JMJD1C: variants seen among roughly 807,000 people sequenced by gnomAD.
The protein encoded by JMJD1C is jumonji domain containing 1C.
In JMJD1C, 31 loss-of-function variants were observed where a neutral mutation model predicts 245.3. The ratio of observed to expected loss-of-function variants is 0.13; its 90% CI spans 0.09 to 0.17. The LOEUF (loss-of-function observed/expected upper bound fraction) is 0.17, where lower values mean the gene tolerates loss of function less well. JMJD1C is among the 10% of genes least tolerant of loss of function. JMJD1C has a pLI of 1.00. For missense variants in JMJD1C, 2,691 were observed against 3,000.2 expected, an observed-to-expected ratio of 0.90 and a Z score of 2.41; for synonymous variants, 1,057 against 1,017.4, an observed-to-expected ratio of 1.04 and a Z score of -0.74.
At chr10:63,499,828 G>A (rs533811077) in intron 1 of JMJD1C, among the ~76,000 whole-genome samples, 30 of 152,204 alleles carry the variant, frequency 2.0e-4, no homozygotes, top group South Asian at 8.3e-4. Context: ...CAAAGAAGAC[G>A]TTAAAATATT....
In JMJD1C at chr10:63,519,260, C is replaced by T. The variant is rs1955126827; in HGVS notation, n.113+2478G>A. Among the ~76,000 whole-genome samples, 6 of 152,332 alleles carry T rather than the reference C, an allele frequency of 3.9e-5. No homozygotes were observed. The South Asian group carries it at 1.2e-3, about 32-fold the overall frequency. On this transcript the variant is annotated intron_variant and non_coding_transcript_variant, in intron 1 of 3. Transcript: ENST00000633035. The stretch of plus-strand genomic sequence containing the variant: ...TTCAGAGAGCAGCCAGCCATCCTAC[C>T]TAGGTTGCCTTCAGCAACCCCTGAA...
rs974943964 is a variant in JMJD1C, at chr10:63,516,033, A to AT, written n.113+5704dup. 2.0e-5 allele frequency among the ~76,000 whole-genome samples: 3 copies of AT among 152,036 alleles called. No homozygotes were observed. The East Asian group carries it at 5.8e-4, about 29-fold the overall frequency. ...TATCAAGAATATAATACCTTTATCT[A>AT]TTTTTTTGTACTTTTATGGTACTTT... On this transcript the variant is annotated intron_variant and non_coding_transcript_variant, in intron 1 of 3. Transcript: ENST00000633035.
At position 63,257,001 on chromosome 10, in the gene JMJD1C, G is replaced by A. The variant is rs374984432; in HGVS notation, c.447+7650C>T. On this transcript the variant is annotated intron_variant, in intron 3 of 25. Transcript: ENST00000399262. ...TGTAATCCGAACACGTTGGGAGGCC[G>A]AGGTGGGAGGATTACTTGAGGTTAG... Among the ~76,000 whole-genome samples the A allele has an allele frequency of 4.1e-4, 62 of 152,190 alleles. No homozygotes were observed. The South Asian group carries it at 0.012, about 29-fold the overall frequency.
At chr10:63,419,661 TCCTGGGAGCAAAAGTAA>T (rs1034128261) in intron 1 of JMJD1C, among the ~76,000 whole-genome samples, 8 of 151,928 alleles carry the variant, frequency 5.3e-5, no homozygotes, top group African/African-American at 1.7e-4. Context: ...AAAGGCTATA[TCCTGGGAGCAAAAGTAA>T]CCCAGAATTA....
intron 1 of JMJD1C, among the ~76,000 whole-genome samples, chr10:63,440,861 C>T (rs1369702180): frequency 6.6e-6 from 1 of 152,128 alleles, no homozygotes; most frequent in Admixed American, 6.6e-5. Flanking sequence ...ATTCATATAA[C>T]AACCCTTTTA....
At position 63,283,333 on chromosome 10, in the gene JMJD1C, CT is replaced by C. The variant is rs1193936978; in HGVS notation, c.334-18570del. Among the ~76,000 whole-genome samples the C allele has an allele frequency of 2.0e-5, 3 of 150,636 alleles. No individual in the cohort carries two copies. In the East Asian group the frequency reaches 5.8e-4, roughly 29 times the overall value. ...TTTCTTTGGGGATCTGAAAGCTTCC[CT>C]GTATTAGCAACCTGACCACCTGCTT... On this transcript the variant is annotated intron_variant, in intron 2 of 25. Transcript: ENST00000399262.
At chr10:63,435,774 C>T (rs916565097) in intron 1 of JMJD1C, among the ~76,000 whole-genome samples, 1 of 152,174 alleles carries the variant, frequency 6.6e-6, no homozygotes, top group Non-Finnish European at 1.5e-5. Flanking sequence ...TGGCATGCGC[C>T]TATAATCCCA....
chr10:63,222,852 C>G lies in JMJD1C; in HGVS notation c.448-2869G>C. On this transcript the variant is annotated intron_variant, in intron 3 of 25. Transcript: ENST00000399262. The stretch of plus-strand genomic sequence containing the variant: ...TGGTGTGGAGTCAAAAGTACACATG[C>G]TGGATCAAAATATATAAAAACTGCA... The G allele has an allele frequency of 7.6e-6, 11 of 1,444,586 alleles. No homozygotes were observed. In the South Asian group the frequency reaches 1.1e-4, roughly 15 times the overall value. 89.5% of individuals were successfully genotyped at this position (1,444,586 alleles called of 1,614,324 possible). A position where few individuals can be genotyped will look rare whatever the true frequency, so the allele number is the denominator to read the frequency against.
chr10:63,350,516 T>C (rs1944261607), intron 2 of JMJD1C, among the ~76,000 whole-genome samples: 1 of 152,220 alleles, frequency 6.6e-6, no homozygotes, highest in Admixed American at 6.5e-5. Flanking sequence ...ACTATGAAGT[T>C]GGTATTATTG....
chr10:63,427,822 A>C lies in JMJD1C; in HGVS notation c.168+37673T>G, dbSNP rs889592052. 5.5e-6 allele frequency: 6 copies of C among 1,098,170 alleles called. No individual in the cohort carries two copies. The African/African-American group carries it at 9.3e-5, about 17-fold the overall frequency. The allele number at this position is 1,098,170 out of a possible 1,614,324, so 68.0% of individuals were successfully genotyped here. A position where few individuals can be genotyped will look rare whatever the true frequency, so the allele number is the denominator to read the frequency against. On this transcript the variant is annotated intron_variant, in intron 1 of 25. Transcript: ENST00000399262. ...AAAGATGAAATGCAAGGCCCCTTCTAAAACACTTGTTGAGACAGCCAAGGA... is the reference window on the plus strand; with the variant it reads ...AAAGATGAAATGCAAGGCCCCTTCTCAAACACTTGTTGAGACAGCCAAGGA...
At chr10:63,327,683 T>C (rs1941680729) in intron 2 of JMJD1C, among the ~76,000 whole-genome samples, 1 of 152,016 alleles carries the variant, frequency 6.6e-6, no homozygotes, top group African/African-American at 2.4e-5. Flanking sequence ...TTTTTTTTTT[T>C]TTGAGATGGA....
chr10:63,465,106 C>T, intron 1 of JMJD1C: 1 of 244,040 alleles, frequency 4.1e-6, no homozygotes, highest in Non-Finnish European at 7.9e-6. Context: ...ACCAGGGAAG[C>T]TGGCCGCCTG....
At chr10:63,309,358 G>C (rs1012226644) in intron 2 of JMJD1C, among the ~76,000 whole-genome samples, 1 of 151,460 alleles carries the variant, frequency 6.6e-6, no homozygotes, top group African/African-American at 2.4e-5. Flanking sequence ...ACCAGGCGTG[G>C]TGGCAGGCGC....
intron 1 of JMJD1C, among the ~76,000 whole-genome samples, chr10:63,433,181 T>C (rs7917169): frequency 0.66 from 100,662 of 151,654 alleles, 36,179 homozygotes; most frequent in Non-Finnish European, 0.81. Flanking sequence ...AACCTCTGCC[T>C]CCCGACCCCA....
chr10:63,176,189 C>T, intron 24 of JMJD1C, 108 bp downstream of exon 24: 2 of 621,766 alleles, frequency 3.2e-6, no homozygotes, highest in Non-Finnish European at 5.3e-6. Context: ...GCAGGTAATT[C>T]TCTTATTTGC....
chr10:63,513,807 G>A (rs562585344), intron 1 of JMJD1C, among the ~76,000 whole-genome samples: 16 of 152,226 alleles, frequency 1.1e-4, no homozygotes, highest in Admixed American at 2.6e-4. Context: ...CAGCTTCTCC[G>A]GAGGCTGAGG....
intron 1 of JMJD1C, among the ~76,000 whole-genome samples, chr10:63,398,956 TA>T (rs1470423637): frequency 1.3e-5 from 2 of 152,170 alleles, no homozygotes; most frequent in Non-Finnish European, 2.9e-5. Context: ...CACTGGAATA[TA>T]TTTTAAGTGA....
At chr10:63,263,274 G>T (rs1855028648) in intron 3 of JMJD1C, among the ~76,000 whole-genome samples, 2 of 152,138 alleles carry the variant, frequency 1.3e-5, no homozygotes, top group Non-Finnish European at 2.9e-5. Flanking sequence ...CAAGTGGAAA[G>T]ACAAGAGCAC....
intron 1 of JMJD1C, among the ~76,000 whole-genome samples, chr10:63,520,615 C>G (rs1187585199): frequency 6.6e-6 from 1 of 151,852 alleles, no homozygotes; most frequent in African/African-American, 2.4e-5. Flanking sequence ...GTAAATCTTA[C>G]AGCTGTAATA....
Sources: gnomAD v4.1 joint callset for allele counts (sites outside exome capture counted in the v4.1 genomes callset) on GRCh38, gnomAD v4.1.1 for gene constraint, MANE v1.5 for transcripts, NCBI Gene and HGNC (gene_info 2026-07-23, HGNC 2026-07-21) for gene names.